Variants in SYDE1 observed in about 807,000 individuals in gnomAD.
SYDE1 encodes rho GTPase-activating protein SYDE1.
Under a neutral mutation model 63.3 loss-of-function variants are expected in SYDE1, and 34 were observed. That is an observed-to-expected ratio of 0.54 (90% CI 0.41 to 0.71). The LOEUF (loss-of-function observed/expected upper bound fraction) is 0.71, where lower values mean the gene tolerates loss of function less well. SYDE1 is among the 30% of genes least tolerant of loss of function. The pLI, the probability that SYDE1 is intolerant of heterozygous loss-of-function variation, is 0.00. For synonymous variants in SYDE1, 467 were observed against 473.4 expected (o/e 0.99, Z 0.18); for missense variants, 925 against 1,042.5 (o/e 0.89, Z 1.55).
chr19:15,112,320 C>T, intron 6 of SYDE1, 26 bp from the exon 7 acceptor site: 1 of 1,520,780 alleles, frequency 6.6e-7, no homozygotes, highest in Non-Finnish European at 8.9e-7. Context: ...CTTTGTCTGA[C>T]TTACATCCTC....
Position 15,110,460 on chromosome 19 carries a change from G to C in SYDE1, c.1076-61G>C. ...CGGGCGGAAGGTGTGGCCTGGAGCA[G>C]CGAGGCCAGGGTACATGAAGCTTCA... On this transcript the variant is annotated intron_variant, in intron 3 of 7. Coordinates refer to ENST00000342784, the MANE Select transcript of SYDE1 (RefSeq NM_033025.6). The surrounding 1 kb of genome is among the most constrained non-coding windows in gnomAD (Gnocchi z 6.9). 6.6e-7 allele frequency: 1 copy of C among 1,506,986 alleles called. No individual in the cohort carries two copies. The highest frequency in any genetic ancestry group is 8.9e-7 in the Non-Finnish European group (1 of 1,122,730). The allele number at this position is 1,506,986 out of a possible 1,614,324, so 93.4% of individuals were successfully genotyped here.
chr19:15,107,618 G>A (rs1019291506), intron 1 of SYDE1, 97 bp downstream of exon 1: 19 of 821,666 alleles, frequency 2.3e-5, no homozygotes, highest in Admixed American at 7.9e-5. Context: ...GGGGGATCAG[G>A]GGGAGCCCCC....
Position 15,112,499 on chromosome 19 carries a change from C to T in SYDE1, c.1732C>T (p.Pro578Ser), listed in dbSNP as rs777534130. The T allele has an allele frequency of 2.8e-5, 45 of 1,606,562 alleles. No individual in the cohort carries two copies. The Admixed American group carries it at 7.0e-4, about 25-fold the overall frequency. ...PTRPRARSSG[P>S]GLASAVDFKH... is the part of the protein sequence containing the mutation. ...AAGGCCTCGTGCCCGCAGCTCCGGC[C>T]CAGGCCTTGCCAGTGCAGTGGACTT... The change falls in exon 7 of 8, where the codon CCA (proline) becomes TCA (serine). Residue 578 changes from proline (P) to serine (S), a missense_variant. This residue lies in a region of SYDE1 where 255 missense variants were observed against 255.9 expected (regional missense o/e 1.00). Transcript: ENST00000342784.
In SYDE1 at chr19:15,109,464, T is replaced by G. The variant is rs1224077315; in HGVS notation, c.430+67T>G. On this transcript the variant is annotated intron_variant, in intron 2 of 7. Transcript: ENST00000342784. This position sits in a 1 kb window ranked among gnomAD's most constrained non-coding sequence, Gnocchi z 5.0. ...AGCTCCACATCCCTTCCCTTCAGGG[T>G]AGCACCAGCCTCACACTCCCTCCTC... 6.9e-7 allele frequency: 1 copy of G among 1,455,076 alleles called. No individual in the cohort carries two copies. Among genetic ancestry groups the G allele is most frequent in the Non-Finnish European group, 9.1e-7 (1 of 1,097,604 alleles). 90.1% of individuals were successfully genotyped at this position (1,455,076 alleles called of 1,614,324 possible).
Position 15,110,066 on chromosome 19 carries a change from T to C in SYDE1, c.793T>C (p.Trp265Arg), listed in dbSNP as rs2046333743. Residue 265 changes from tryptophan (W) to arginine (R), a missense_variant, in exon 3 of 8, where the codon TGG becomes CGG. Physicochemically the swap from Trp to Arg is moderately radical, Grantham distance 101. Around this residue, in one of 3 missense-constraint regions of SYDE1, gnomAD observed 599 missense variants for 653.7 expected, o/e 0.92. Coordinates refer to ENST00000342784, the MANE Select transcript of SYDE1 (RefSeq NM_033025.6). The surrounding 1 kb of genome is among the most constrained non-coding windows in gnomAD (Gnocchi z 6.9). ...PAARAPPAAL[W>R]GRLSLHLYGL... ...AGCCCGGGCACCCCCGGCCGCACTC[T>C]GGGGCCGCCTCAGCCTGCACCTGTA... 6.7e-7 allele frequency: 1 copy of C among 1,491,544 alleles called. No homozygotes were observed. The highest frequency in any genetic ancestry group is 1.3e-5 in the South Asian group (1 of 78,920). The allele number at this position is 1,491,544 out of a possible 1,614,324, so 92.4% of individuals were successfully genotyped here.
rs904286305 is a variant in SYDE1 at position 15,108,154 on chromosome 19, T to G, written c.88+633T>G. On this transcript the variant is annotated intron_variant, in intron 1 of 7. Coordinates refer to ENST00000342784, the MANE Select transcript of SYDE1 (RefSeq NM_033025.6). The surrounding 1 kb of genome is among the most constrained non-coding windows in gnomAD (Gnocchi z 4.3). ...AAACAGAGACCCTAGAGGGTGGACA[T>G]CAGAGGTGGCCAGAGGAGGAGTTCA... Among the ~76,000 whole-genome samples, 1 of 151,976 alleles carries G rather than the reference T, an allele frequency of 6.6e-6. No individual in the cohort carries two copies. Among genetic ancestry groups the G allele is most frequent in the African/African-American group, 2.4e-5 (1 of 41,328 alleles).
rs925404148 is a variant in SYDE1, at chr19:15,113,657, G to C, written c.1902G>C (p.Val634=). 6.2e-7 allele frequency: 1 copy of C among 1,613,096 alleles called. No individual in the cohort carries two copies. The highest frequency in any genetic ancestry group is 1.3e-5 in the African/African-American group (1 of 74,936). ...LHLPLADPEV[V]TRPRGRGGPE... is the part of the protein sequence containing the mutation. ...TGCCGCTGGCAGACCCCGAAGTGGT[G>C]ACTCGGCCCCGCGGTCGAGGAGGCC... Residue 634 remains valine (V), a synonymous_variant, in exon 8 of 8, where the codon GTG becomes GTC. Coordinates refer to ENST00000342784, the MANE Select transcript of SYDE1 (RefSeq NM_033025.6).
At chr19:15,112,657 G>C in intron 7 of SYDE1, 86 bp downstream of exon 7, 1 of 1,190,224 alleles carries the variant, frequency 8.4e-7, no homozygotes, top group Non-Finnish European at 1.2e-6. Flanking sequence ...AGTGTCTTAG[G>C]CTTGAAGCTA....
chr19:15,110,235 T>G lies in SYDE1; in HGVS notation c.962T>G (p.Leu321Arg). Residue 321 changes from leucine (L) to arginine (R), a missense_variant, in exon 3 of 8, where the codon CTG becomes CGG. This residue lies in a region of SYDE1 where 599 missense variants were observed against 653.7 expected (regional missense o/e 0.92). Transcript: ENST00000342784. This position sits in a 1 kb window ranked among gnomAD's most constrained non-coding sequence, Gnocchi z 6.9. ...DFLRLDHTFH[L>R]ELEAARLLRA... is the part of the protein sequence containing the mutation. ...CTGCGGCTGGACCACACCTTCCACC[T>G]GGAGCTGGAGGCCGCCAGGCTCCTG... 7.1e-7 allele frequency: 1 copy of G among 1,414,046 alleles called. No homozygotes were observed. The highest frequency in any genetic ancestry group is 9.2e-7 in the Non-Finnish European group (1 of 1,086,706). 87.6% of individuals were successfully genotyped at this position (1,414,046 alleles called of 1,614,324 possible).
chr19:15,111,786 G>T lies in SYDE1; in HGVS notation c.1572G>T (p.Val524=). Residue 524 remains valine, a synonymous_variant, in exon 6 of 8, where the codon GTG becomes GTT. Coordinates refer to ENST00000342784, the MANE Select transcript of SYDE1 (RefSeq NM_033025.6). The surrounding 1 kb of genome is among the most constrained non-coding windows in gnomAD (Gnocchi z 5.5). The stretch of plus-strand genomic sequence containing the variant: ...GGCTCCTCAGCTGCCTGCCAGATGT[G>T]GAAAGGGTGAGTTGGGCCTGGTGGG... ...TRGLLSCLPD[V]ERATLTLLLD... The T allele has an allele frequency of 3.2e-6, 5 of 1,581,140 alleles. No individual in the cohort carries two copies. Among genetic ancestry groups the T allele is most frequent in the Non-Finnish European group, 4.3e-6 (5 of 1,164,728 alleles).
At chr19:15,107,768 C>G (rs1437708094) in intron 1 of SYDE1, among the ~76,000 whole-genome samples, 2 of 132,342 alleles carry the variant, frequency 1.5e-5, no homozygotes, top group Admixed American at 7.8e-5. Flanking sequence ...TTGGGAGGCC[C>G]GGGAGGGGGC....
rs865964089 is a variant in SYDE1 at position 15,110,128 on chromosome 19, C to A, written c.855C>A (p.Thr285=). 7.1e-7 allele frequency: 1 copy of A among 1,406,658 alleles called. No homozygotes were observed. The highest frequency in any genetic ancestry group is 9.2e-7 in the Non-Finnish European group (1 of 1,086,986). 87.1% of individuals were successfully genotyped at this position (1,406,658 alleles called of 1,614,324 possible). A position where few individuals can be genotyped will look rare whatever the true frequency, so the allele number is the denominator to read the frequency against. The change falls in exon 3 of 8, where the codon ACC becomes ACA. Residue 285 remains threonine (T), a synonymous_variant. Transcript: ENST00000342784. This position sits in a 1 kb window ranked among gnomAD's most constrained non-coding sequence, Gnocchi z 6.9. ...GGCTGCGGCCAGCGCCGGGGGCCAC[C>A]CCCAGGGACCTCTGCTGCCTACTGC... The part of the protein sequence containing the change: ...LGGLRPAPGA[T]PRDLCCLLQV...
rs745696248 is a variant in SYDE1, at chr19:15,111,449, G to T, written c.1417+10G>T. ...ATCAATGTCATCACTGGTCAGCATG[G>T]CCCCCTCTCCCCTGCCTGCTCACCC... On this transcript the variant is annotated intron_variant, in intron 5 of 7. Transcript: ENST00000342784. The surrounding 1 kb of genome is among the most constrained non-coding windows in gnomAD (Gnocchi z 5.5). 6.2e-7 allele frequency: 1 copy of T among 1,613,392 alleles called. No homozygotes were observed. Among genetic ancestry groups the T allele is most frequent in the Admixed American group, 1.7e-5 (1 of 59,982 alleles).
rs1014177407 is a variant in SYDE1, at chr19:15,108,242, A to C, written c.88+721A>C. On this transcript the variant is annotated intron_variant, in intron 1 of 7. Transcript: ENST00000342784. The surrounding 1 kb of genome is among the most constrained non-coding windows in gnomAD (Gnocchi z 4.3). ...GTGGGATAGGGGGACCCAGGAAGGA[A>C]GGAGTTAAAGGAGGAAGGCCAGACC... is the stretch of plus-strand genomic sequence containing the variant. Among the ~76,000 whole-genome samples the C allele has an allele frequency of 2.0e-5, 3 of 152,112 alleles. No individual in the cohort carries two copies. The highest frequency in any genetic ancestry group is 7.2e-5 in the African/African-American group (3 of 41,414).
rs2046351025 is a variant in SYDE1 at position 15,112,413 on chromosome 19, C to A, written c.1646C>A (p.Thr549Asn). 1 of 1,600,900 alleles carries A rather than the reference C, an allele frequency of 6.2e-7. No homozygotes were observed. Among genetic ancestry groups the A allele is most frequent in the African/African-American group, 1.3e-5 (1 of 74,834 alleles). Residue 549 changes from threonine (T) to asparagine (N), a missense_variant, in exon 7 of 8, where the codon ACC (threonine) becomes AAC (asparagine). Physicochemically the swap from Thr to Asn is moderately conservative, Grantham distance 65 (BLOSUM62 0). This residue lies in a region of SYDE1 where 71 missense variants were observed against 132.8 expected (regional missense o/e 0.53). Coordinates refer to ENST00000342784, the MANE Select transcript of SYDE1 (RefSeq NM_033025.6). The part of the protein sequence containing the change: ...VSSFHAYNRM[T>N]PQNLAVCFGP... ...TCCTTCCATGCCTACAACCGCATGACCCCACAGAACTTGGCCGTGTGCTTC... is the reference window on the plus strand; with the variant it reads ...TCCTTCCATGCCTACAACCGCATGAACCCACAGAACTTGGCCGTGTGCTTC...
Position 15,110,435 on chromosome 19 carries a change from C to G in SYDE1, c.1076-86C>G, listed in dbSNP as rs1418672270. On this transcript the variant is annotated intron_variant, in intron 3 of 7. Coordinates refer to ENST00000342784, the MANE Select transcript of SYDE1 (RefSeq NM_033025.6). This position sits in a 1 kb window ranked among gnomAD's most constrained non-coding sequence, Gnocchi z 6.9. Reference sequence around the variant, plus strand: ...GCAGAGTGCCTAGGGGGCTGGGCTCCGGGCGGAAGGTGTGGCCTGGAGCAG... The same window carrying G: ...GCAGAGTGCCTAGGGGGCTGGGCTCGGGGCGGAAGGTGTGGCCTGGAGCAG... 6.8e-6 allele frequency: 10 copies of G among 1,481,366 alleles called. No individual in the cohort carries two copies. The highest frequency in any genetic ancestry group is 2.5e-5 in the East Asian group (1 of 40,000). 91.8% of individuals were successfully genotyped at this position (1,481,366 alleles called of 1,614,324 possible). A position where few individuals can be genotyped will look rare whatever the true frequency, so the allele number is the denominator to read the frequency against.
chr19:15,113,302 A>G (rs2046357633), intron 7 of SYDE1, among the ~76,000 whole-genome samples: 1 of 152,106 alleles, frequency 6.6e-6, no homozygotes, highest in Non-Finnish European at 1.5e-5. Flanking sequence ...AGGCCTCCCA[A>G]AGTGCTGGGA....
At position 15,112,556 on chromosome 19, in the gene SYDE1, C is replaced by A. The variant is rs1438212293; in HGVS notation, c.1789C>A (p.Leu597Met). ...KHHIEVLHYL[L>M]QSWPDPRLPR... ...CCACATCGAGGTGCTGCACTACCTG[C>A]TGCAGTCTTGGCCAGGTGAGTTCAT... Residue 597 changes from leucine (L) to methionine (M), a missense_variant, in exon 7 of 8, where the codon CTG becomes ATG. By Grantham distance (15) the Leu-to-Met change is conservative. Around this residue, in one of 3 missense-constraint regions of SYDE1, gnomAD observed 255 missense variants for 255.9 expected, o/e 1.00. Transcript: ENST00000342784. The A allele has an allele frequency of 1.3e-6, 2 of 1,584,228 alleles. No individual in the cohort carries two copies. Among genetic ancestry groups the A allele is most frequent in the East Asian group, 2.3e-5 (1 of 43,766 alleles).
rs1490594950 is a variant in SYDE1, at chr19:15,109,029, G to A, written c.89-27G>A. ...TCTGCAGGCAGTGAGGGGCTGGGTG[G>A]GTCTCACTCCCCTTGCTCTCTGCCA... On this transcript the variant is annotated intron_variant, in intron 1 of 7. Transcript: ENST00000342784. This position sits in a 1 kb window ranked among gnomAD's most constrained non-coding sequence, Gnocchi z 5.0. 7.6e-6 allele frequency: 11 copies of A among 1,455,692 alleles called. 1 individual carries two copies. The highest frequency in any genetic ancestry group is 9.0e-6 in the Non-Finnish European group (10 of 1,109,906). 90.2% of individuals were successfully genotyped at this position (1,455,692 alleles called of 1,614,324 possible).
Sources: allele counts gnomAD v4.1 joint callset (sites outside exome capture counted in the v4.1 genomes callset), GRCh38; gene constraint gnomAD v4.1.1; regional missense constraint gnomAD v4.1.1; non-coding constraint Gnocchi (gnomAD v3.1); transcripts MANE v1.5; gene names NCBI Gene and HGNC (gene_info 2026-07-23, HGNC 2026-07-21).